Variants in RIPOR2 observed in about 807,000 individuals in gnomAD.
RIPOR2 encodes the protein rho family-interacting cell polarization regulator 2.
A neutral mutation model predicts 114.5 loss-of-function variants in RIPOR2; 39 were observed. That is an observed-to-expected ratio of 0.34 (90% CI 0.26 to 0.44). The LOEUF (loss-of-function observed/expected upper bound fraction) is 0.44. Among genes scored for constraint, RIPOR2 ranks in the 20% least tolerant of loss-of-function variants. The probability of loss-of-function intolerance (pLI) is 1.00; values close to 1 mark genes in which losing one functional copy is unlikely to be tolerated. For synonymous variants in RIPOR2, 445 were observed against 484.4 expected, an observed-to-expected ratio of 0.92 and a Z score of 1.07; for missense variants, 1,007 against 1,255.1, an observed-to-expected ratio of 0.80 and a Z score of 2.99.
intron 1 of RIPOR2, among the ~76,000 whole-genome samples, chr6:25,011,310 G>A (rs1775769479): frequency 6.6e-6 from 1 of 152,194 alleles, no homozygotes; most frequent in African/African-American, 2.4e-5. Flanking sequence ...GTGCATATAT[G>A]TGTGTGCATT....
chr6:24,992,817 AC>A (rs1222088292), intron 1 of RIPOR2, among the ~76,000 whole-genome samples: 2 of 152,230 alleles, frequency 1.3e-5, no homozygotes, highest in Admixed American at 6.5e-5. Flanking sequence ...TTCAAAATAT[AC>A]TACAAGGCTA....
intron 1 of RIPOR2, among the ~76,000 whole-genome samples, chr6:24,960,837 G>A (rs974280047): frequency 1.3e-5 from 2 of 151,986 alleles, no homozygotes; most frequent in Non-Finnish European, 2.9e-5. Flanking sequence ...GCCTCAACAC[G>A]AATTTTGGAG....
At chr6:24,970,126 A>G (rs371051) in intron 1 of RIPOR2, among the ~76,000 whole-genome samples, 124,739 of 151,564 alleles carry the variant, frequency 0.82, 54,112 homozygotes, top group East Asian at 0.96. Context: ...AGGGCTGAGC[A>G]CCTCATGGAA....
rs1370801653 is a variant in RIPOR2 at position 24,832,285 on chromosome 6, T to A, written c.2315A>T (p.Asn772Ile). 4 of 1,551,778 alleles carry A rather than the reference T, an allele frequency of 2.6e-6. No individual in the cohort carries two copies. The highest frequency in any genetic ancestry group is 3.5e-6 in the Non-Finnish European group (4 of 1,146,982). The stretch of plus-strand genomic sequence containing the variant: ...CACAACAGAACTGATATTTCCTATG[T>A]TCTCATCACTGACAGCTGCGAGTTT... Reference protein sequence around the residue: ...MEKLAAVSDENIGNISSVVEA... With the variant: ...MEKLAAVSDEIIGNISSVVEA... The change falls in exon 16 of 22, where the codon AAC becomes ATC. Residue 772 changes from asparagine to isoleucine, a missense_variant. By Grantham distance (149) the Asn-to-Ile change is moderately radical. Transcript: ENST00000643898.
intron 1 of RIPOR2, among the ~76,000 whole-genome samples, chr6:24,985,440 T>C (rs552268348): frequency 7.2e-5 from 11 of 152,164 alleles, no homozygotes; most frequent in African/African-American, 2.7e-4. Flanking sequence ...CAACAACAAG[T>C]TGCTGACTGG....
chr6:24,839,628 GAAAA>G lies in RIPOR2; in HGVS notation c.1858-360_1858-357del, dbSNP rs752301269. ...TTTGAAATTTTTATAACAAAAAGTTGAAAAAAAACAAAAAAAACAAAAAACAAAA... is the reference window on the plus strand; with the variant it reads ...TTTGAAATTTTTATAACAAAAAGTTGAAAACAAAAAAAACAAAAAACAAAA... On this transcript the variant is annotated intron_variant, in intron 13 of 21. Transcript: ENST00000643898. 9.6e-5 allele frequency: 147 copies of G among 1,530,258 alleles called. No homozygotes were observed. The Middle Eastern group carries it at 4.1e-3, about 43-fold the overall frequency. 94.8% of individuals were successfully genotyped at this position (1,530,258 alleles called of 1,614,324 possible).
intron 1 of RIPOR2, among the ~76,000 whole-genome samples, chr6:24,906,099 A>AT (rs1347918803): frequency 6.6e-6 from 1 of 151,156 alleles, no homozygotes; most frequent in East Asian, 1.9e-4. Flanking sequence ...TTCTAGTATC[A>AT]TCATCATTAA....
At chr6:24,991,069 A>T (rs766977698) in intron 1 of RIPOR2, among the ~76,000 whole-genome samples, 2 of 152,220 alleles carry the variant, frequency 1.3e-5, no homozygotes, top group South Asian at 2.1e-4. Flanking sequence ...ATGAGCTACA[A>T]TTGCAGCCAG....
intron 8 of RIPOR2, among the ~76,000 whole-genome samples, chr6:24,856,722 T>C (rs868357574): frequency 1.3e-5 from 2 of 152,206 alleles, no homozygotes; most frequent in Admixed American, 1.3e-4. Context: ...GCCACTGCAC[T>C]GCAGCCTGGG....
chr6:25,012,812 T>C, intron 1 of RIPOR2, among the ~76,000 whole-genome samples: 1 of 152,214 alleles, frequency 6.6e-6, no homozygotes, highest in Non-Finnish European at 1.5e-5. Context: ...TAGATAGTGA[T>C]GATGGCTGCT....
chr6:25,023,868 C>T (rs1026553057), intron 1 of RIPOR2: 24 of 725,850 alleles, frequency 3.3e-5, no homozygotes, highest in African/African-American at 1.7e-4. Context: ...CCTAGGTCTT[C>T]GTGTAGAGAC....
intron 1 of RIPOR2, among the ~76,000 whole-genome samples, chr6:24,908,521 T>A (rs555523569): frequency 2.4e-4 from 37 of 152,242 alleles, no homozygotes; most frequent in African/African-American, 8.4e-4. Flanking sequence ...AACAGAGAAG[T>A]GTCTTGGTTA....
chr6:24,980,383 C>G (rs1410686), intron 1 of RIPOR2, among the ~76,000 whole-genome samples: 56,449 of 152,014 alleles, frequency 0.37, 10,657 homozygotes, highest in South Asian at 0.43. Flanking sequence ...GGAGTGAAAT[C>G]AAGACACCTG....
chr6:24,998,685 C>CA (rs35128449), intron 1 of RIPOR2, among the ~76,000 whole-genome samples: 7,193 of 151,634 alleles, frequency 0.047, 369 homozygotes, highest in African/African-American at 0.13. Flanking sequence ...AGACTATGGG[C>CA]AAAAAAAATC....
At chr6:24,865,236 A>G in intron 7 of RIPOR2, 65 bp downstream of exon 7, 2 of 1,401,782 alleles carry the variant, frequency 1.4e-6, no homozygotes, top group East Asian at 2.5e-5. Flanking sequence ...TGTTCTTGGC[A>G]ATTACCAACA....
intron 1 of RIPOR2, among the ~76,000 whole-genome samples, chr6:25,035,992 A>T (rs1777230934): frequency 2.0e-5 from 3 of 152,212 alleles, no homozygotes; most frequent in Admixed American, 2.0e-4. Flanking sequence ...CTCCTTGTGT[A>T]GAATTGTCAA....
At chr6:24,839,766 T>C in intron 13 of RIPOR2, 1 of 1,417,438 alleles carries the variant, frequency 7.1e-7, no homozygotes, top group Non-Finnish European at 9.1e-7. Flanking sequence ...AGTGAGTCAA[T>C]GCTGAATACT....
At chr6:24,936,992 A>G (rs568192543), upstream of RIPOR2, among the ~76,000 whole-genome samples, 5 of 152,300 alleles carry the variant, frequency 3.3e-5, no homozygotes, top group African/African-American at 1.2e-4. Flanking sequence ...TCCTCCTGTA[A>G]CTGCAACCTT....
At chr6:24,878,147 C>G (rs1001908777) in intron 1 of RIPOR2, among the ~76,000 whole-genome samples, 1 of 152,204 alleles carries the variant, frequency 6.6e-6, no homozygotes, top group South Asian at 2.1e-4. Flanking sequence ...GAGACCTGAA[C>G]GTACTGACAT....
Sources: gnomAD v4.1 joint callset for allele counts (sites outside exome capture counted in the v4.1 genomes callset) on GRCh38, gnomAD v4.1.1 for gene constraint, MANE v1.5 for transcripts, NCBI Gene and HGNC (gene_info 2026-07-23, HGNC 2026-07-21) for gene names.